Variants in ANKFY1 observed in about 807,000 individuals in gnomAD.
ANKFY1 encodes the protein ankyrin repeat and FYVE domain-containing protein 1.
In ANKFY1, 47 loss-of-function variants were observed where a neutral mutation model predicts 128.3. That is an observed-to-expected ratio of 0.37 (90% confidence interval 0.29 to 0.47). The LOEUF (loss-of-function observed/expected upper bound fraction) is 0.47. ANKFY1 is among the 20% of genes least tolerant of loss of function. ANKFY1 has a pLI of 1.00. For missense variants in ANKFY1, 1,222 were observed against 1,510.6 expected, an observed-to-expected ratio of 0.81 and a Z score of 3.17; for synonymous variants, 553 against 601.6, an observed-to-expected ratio of 0.92 and a Z score of 1.18.
intron 1 of ANKFY1, among the ~76,000 whole-genome samples, chr17:4,246,598 G>A (rs544068969): frequency 2.6e-5 from 4 of 152,084 alleles, no homozygotes; most frequent in African/African-American, 4.8e-5. Context: ...TTTCCACAGT[G>A]GTAACCTTTT....
chr17:4,239,325 A>G (rs1056274759), intron 2 of ANKFY1, among the ~76,000 whole-genome samples: 2 of 152,256 alleles, frequency 1.3e-5, no homozygotes, highest in African/African-American at 2.4e-5. Context: ...CTGGGCCAGT[A>G]AGAAACAAAG....
intron 4 of ANKFY1, among the ~76,000 whole-genome samples, chr17:4,210,271 A>T (rs984307659): frequency 5.9e-5 from 9 of 152,246 alleles, no homozygotes; most frequent in African/African-American, 2.2e-4. Flanking sequence ...CGAATCAAGC[A>T]CAAAATGGAT....
intron 3 of ANKFY1, among the ~76,000 whole-genome samples, chr17:4,235,497 A>G (rs543147812): frequency 6.6e-6 from 1 of 152,308 alleles, no homozygotes; most frequent in Admixed American, 6.5e-5. Context: ...GTGTACGGAA[A>G]AACACTTACA....
At chr17:4,206,028 C>A (rs2060016596) in intron 7 of ANKFY1, among the ~76,000 whole-genome samples, 1 of 152,228 alleles carries the variant, frequency 6.6e-6, no homozygotes, top group Non-Finnish European at 1.5e-5. Context: ...ATCCATTGAA[C>A]AAGCAAACAT....
chr17:4,185,207 C>A (rs2059589841), intron 11 of ANKFY1, among the ~76,000 whole-genome samples, 161 bp from the exon 12 acceptor site: 1 of 152,102 alleles, frequency 6.6e-6, no homozygotes, highest in African/African-American at 2.4e-5. Flanking sequence ...CTCTCAGTAT[C>A]TTTTTTTGTT....
intron 3 of ANKFY1, among the ~76,000 whole-genome samples, chr17:4,234,753 C>T (rs933435232): frequency 9.9e-5 from 15 of 152,132 alleles, no homozygotes; most frequent in African/African-American, 3.6e-4. Context: ...AAGTGATCCT[C>T]CCACCTTGGC....
intron 4 of ANKFY1, 61 bp downstream of exon 4, chr17:4,216,922 G>C (rs758226202): frequency 3.1e-6 from 5 of 1,607,838 alleles, no homozygotes; most frequent in South Asian, 2.2e-5. Context: ...CCCAGAGCTC[G>C]GCATAATTAA....
In ANKFY1 at chr17:4,237,964, T is replaced by A. The variant is rs757110316; in HGVS notation, c.204-2074A>T. ...ACTATAGGTTTGTTTGGTAAAAGAA[T>A]GAGTACAGTAAATGACTACACATAG... On this transcript the variant is annotated intron_variant, in intron 2 of 24. Coordinates refer to ENST00000341657, the MANE Select transcript of ANKFY1 (RefSeq NM_001330063.2). Among the ~76,000 whole-genome samples the A allele has an allele frequency of 9.1e-4, 139 of 152,240 alleles. 1 individual carries two copies. Among genetic ancestry groups the A allele is most frequent in the Non-Finnish European group, 1.8e-3 (124 of 68,026 alleles).
At chr17:4,224,911 G>C (rs2060397292) in intron 3 of ANKFY1, among the ~76,000 whole-genome samples, 1 of 147,756 alleles carries the variant, frequency 6.8e-6, no homozygotes, top group Non-Finnish European at 1.5e-5. Flanking sequence ...CTAGAATAGT[G>C]CTATGCACAG....
Position 4,178,646 on chromosome 17 carries a change from G to T in ANKFY1, c.2598+211C>A. ...CACTGCCTCCGCTTCCATCGAAGCCGGGCACTGTCAGGCGCTGACACACAG... is the reference window on the plus strand; with the variant it reads ...CACTGCCTCCGCTTCCATCGAAGCCTGGCACTGTCAGGCGCTGACACACAG... On this transcript the variant is annotated intron_variant, in intron 18 of 24. Coordinates refer to ENST00000341657, the MANE Select transcript of ANKFY1 (RefSeq NM_001330063.2). The surrounding 1 kb of genome is among the most constrained non-coding windows in gnomAD (Gnocchi z 4.1). 1.7e-6 allele frequency: 1 copy of T among 588,612 alleles called. No homozygotes were observed. The highest frequency in any genetic ancestry group is 3.0e-6 in the Non-Finnish European group (1 of 330,132). The allele number at this position is 588,612 out of a possible 1,614,324, so 36.5% of individuals were successfully genotyped here. A position where few individuals can be genotyped will look rare whatever the true frequency, so the allele number is the denominator to read the frequency against.
intron 3 of ANKFY1, among the ~76,000 whole-genome samples, chr17:4,230,782 C>G (rs2060500553): frequency 6.6e-6 from 1 of 152,088 alleles, no homozygotes; most frequent in Non-Finnish European, 1.5e-5. Flanking sequence ...AATAAAAAAG[C>G]AAATTTCTAC....
intron 6 of ANKFY1, among the ~76,000 whole-genome samples, chr17:4,207,591 T>A (rs1214760260): frequency 6.6e-6 from 1 of 152,128 alleles, no homozygotes; most frequent in Non-Finnish European, 1.5e-5. Context: ...AGGCAATACA[T>A]TTGTGTTGTT....
intron 21 of ANKFY1, 56 bp downstream of exon 21, chr17:4,173,284 GCACCAGCAACCAGC>G: frequency 6.9e-7 from 1 of 1,456,976 alleles, no homozygotes; most frequent in Non-Finnish European, 9.6e-7. Flanking sequence ...CTGATGGGAG[GCACCAGCAACCAGC>G]AGCTCTGAGC....
intron 7 of ANKFY1, among the ~76,000 whole-genome samples, chr17:4,201,685 G>C (rs1214693196): frequency 6.6e-6 from 1 of 152,068 alleles, no homozygotes; most frequent in Non-Finnish European, 1.5e-5. Context: ...TCATTCTTCT[G>C]CTCCCGTTTT....
intron 9 of ANKFY1, 102 bp downstream of exon 9, chr17:4,195,301 T>C: frequency 7.0e-7 from 1 of 1,428,258 alleles, no homozygotes. Context: ...TCACTTTAAC[T>C]TCTTAATATA....
intron 17 of ANKFY1, chr17:4,179,367 C>G (rs2059467775): frequency 3.8e-6 from 2 of 519,956 alleles, no homozygotes; most frequent in African/African-American, 3.8e-5. Flanking sequence ...TCTGCACAGG[C>G]TCGAATGTTG....
At chr17:4,240,977 CT>C (rs1385253837) in intron 2 of ANKFY1, among the ~76,000 whole-genome samples, 11 of 152,152 alleles carry the variant, frequency 7.2e-5, no homozygotes, top group South Asian at 2.1e-4. Context: ...CCTATCCAGC[CT>C]TTAACATCTA....
At position 4,181,496 on chromosome 17, in the gene ANKFY1, T is replaced by A; in HGVS notation, c.2122-124A>T. 1.5e-6 allele frequency: 1 copy of A among 689,372 alleles called. No homozygotes were observed. Among genetic ancestry groups the A allele is most frequent in the South Asian group, 1.8e-5 (1 of 56,616 alleles). 42.7% of individuals were successfully genotyped at this position (689,372 alleles called of 1,614,324 possible). A position where few individuals can be genotyped will look rare whatever the true frequency, so the allele number is the denominator to read the frequency against. On this transcript the variant is annotated intron_variant, in intron 15 of 24. Coordinates refer to ENST00000341657, the MANE Select transcript of ANKFY1 (RefSeq NM_001330063.2). This position sits in a 1 kb window ranked among gnomAD's most constrained non-coding sequence, Gnocchi z 4.9. ...AGATAAGATACGGTTGATAATAAAT[T>A]GATAATTACTTTAATCTGTATCACT... is the stretch of plus-strand genomic sequence containing the variant.
intron 1 of ANKFY1, among the ~76,000 whole-genome samples, chr17:4,249,801 G>A (rs1050589454): frequency 4.6e-5 from 7 of 152,030 alleles, no homozygotes; most frequent in South Asian, 2.1e-4. Flanking sequence ...TCTTGACTGC[G>A]CAGTCTATCA....
Sources: gnomAD v4.1 joint callset for allele counts (sites outside exome capture counted in the v4.1 genomes callset) on GRCh38, gnomAD v4.1.1 for gene constraint, Gnocchi (gnomAD v3.1) non-coding constraint, MANE v1.5 for transcripts, NCBI Gene and HGNC (gene_info 2026-07-23, HGNC 2026-07-21) for gene names.